Variants in CEP63 observed in about 807,000 individuals in gnomAD.
CEP63 encodes the protein centrosomal protein of 63 kDa.
A neutral mutation model predicts 89.1 loss-of-function variants in CEP63; 84 were observed. That is an observed-to-expected ratio of 0.94 (90% CI 0.79 to 1.13). The LOEUF (loss-of-function observed/expected upper bound fraction) is 1.13. Ranked by LOEUF, CEP63 falls within the 50% of genes most tolerant of loss-of-function variation. The probability of loss-of-function intolerance (pLI) is 0.00; values close to 1 mark genes in which losing one functional copy is unlikely to be tolerated. For missense variants in CEP63, 838 were observed against 813.3 expected (o/e 1.03, Z -0.37); for synonymous variants, 267 against 272.5 (o/e 0.98, Z 0.20).
the CEP63 span, chr3:134,629,727 C>T: frequency 3.6e-6 from 5 of 1,406,768 alleles, no homozygotes; most frequent in Non-Finnish European, 5.0e-6. Flanking sequence ...CATTCTCAAC[C>T]AGATGCTGCC....
chr3:134,650,600 A>C, the CEP63 span, among the ~76,000 whole-genome samples: 1 of 152,216 alleles, frequency 6.6e-6, no homozygotes, highest in Non-Finnish European at 1.5e-5. Flanking sequence ...AGGCCTGCAC[A>C]GGGAGTGAAA....
rs1577453237 is a variant in CEP63 at position 134,561,314 on chromosome 3, A to G, written c.1954-63A>G. Reference sequence around the variant, plus strand: ...TTGCTAGTTAGAAAATGTCATGAACAGTGTATCTTAGAAATATAATATTCT... The same window carrying G: ...TTGCTAGTTAGAAAATGTCATGAACGGTGTATCTTAGAAATATAATATTCT... On this transcript the variant is annotated intron_variant, in intron 14 of 14. Transcript: ENST00000675561. 9.2e-6 allele frequency: 13 copies of G among 1,416,890 alleles called. No homozygotes were observed. In the East Asian group the frequency reaches 2.5e-4, roughly 27 times the overall value. 87.8% of individuals were successfully genotyped at this position (1,416,890 alleles called of 1,614,324 possible).
the CEP63 span, among the ~76,000 whole-genome samples, chr3:134,685,694 A>G: frequency 2.0e-5 from 3 of 152,196 alleles, no homozygotes; most frequent in East Asian, 1.9e-4. Flanking sequence ...TGGAAAATGT[A>G]TGGAGAAACT....
intron 1 of CEP63, among the ~76,000 whole-genome samples, chr3:134,494,174 GGT>G (rs755191492): frequency 6.6e-5 from 10 of 151,508 alleles, no homozygotes; most frequent in Non-Finnish European, 1.3e-4. Context: ...GTAGTGCAAT[GGT>G]GTGATCTCGG....
the CEP63 span, among the ~76,000 whole-genome samples, chr3:134,674,440 T>A: frequency 5.1e-4 from 77 of 152,340 alleles, no homozygotes; most frequent in African/African-American, 1.7e-3. Context: ...GGAACTTTTT[T>A]AATTTGATGA....
At chr3:134,516,385 G>T (rs919546108) in intron 3 of CEP63, among the ~76,000 whole-genome samples, 1 of 152,106 alleles carries the variant, frequency 6.6e-6, no homozygotes, top group Non-Finnish European at 1.5e-5. Context: ...ACATTCCATT[G>T]TCCAGGGATG....
chr3:134,763,837 T>A, the CEP63 span, among the ~76,000 whole-genome samples: 126 of 152,346 alleles, frequency 8.3e-4, no homozygotes, highest in Admixed American at 1.6e-3. Context: ...TCAGGCTCCA[T>A]GTGGCAATTC....
At chr3:134,748,846 C>T in the CEP63 span, among the ~76,000 whole-genome samples, 15,367 of 152,166 alleles carry the variant, frequency 0.1, 1,141 homozygotes, top group South Asian at 0.36. Flanking sequence ...GACACGGATG[C>T]AGGCTAGTCA....
chr3:134,647,201 C>T, the CEP63 span, among the ~76,000 whole-genome samples: 2 of 152,226 alleles, frequency 1.3e-5, no homozygotes, highest in Admixed American at 1.3e-4. Flanking sequence ...AATGGGTGCT[C>T]AAGTTCCTGG....
the CEP63 span, chr3:134,604,141 G>C: frequency 6.2e-7 from 1 of 1,608,394 alleles, no homozygotes; most frequent in East Asian, 2.2e-5. Flanking sequence ...CCCGTCGCTG[G>C]TGTGGATGAT....
At chr3:134,615,483 T>C in the CEP63 span, 1 of 151,856 alleles carries the variant, frequency 6.6e-6, no homozygotes, top group Non-Finnish European at 1.5e-5. Context: ...TATTTTATTT[T>C]TGTTATTATT....
intron 11 of CEP63, among the ~76,000 whole-genome samples, chr3:134,570,765 G>A (rs1419449522): frequency 3.3e-5 from 5 of 152,188 alleles, no homozygotes; most frequent in Non-Finnish European, 7.3e-5. Context: ...GTATTAGTCT[G>A]TTTTCATGCT....
At chr3:134,590,785 A>G (rs557007210), downstream of CEP63, among the ~76,000 whole-genome samples, 1 of 152,320 alleles carries the variant, frequency 6.6e-6, no homozygotes, top group South Asian at 2.1e-4. Flanking sequence ...AAAGTCCTTA[A>G]TGGCACTATA....
At chr3:134,694,629 C>T in the CEP63 span, among the ~76,000 whole-genome samples, 1 of 152,208 alleles carries the variant, frequency 6.6e-6, no homozygotes, top group African/African-American at 2.4e-5. Flanking sequence ...GGCTCACAAG[C>T]CAGATGCCAG....
chr3:134,553,764 C>A (rs1383140808), intron 12 of CEP63, among the ~76,000 whole-genome samples: 1 of 152,154 alleles, frequency 6.6e-6, no homozygotes, highest in Non-Finnish European at 1.5e-5. Flanking sequence ...CGTATAGCCT[C>A]TAAATTCCTG....
At chr3:134,487,532 G>A (rs1256545167) in intron 1 of CEP63, among the ~76,000 whole-genome samples, 2 of 152,196 alleles carry the variant, frequency 1.3e-5, no homozygotes, top group African/African-American at 2.4e-5. Flanking sequence ...GATGGTGACA[G>A]CATCAGTAGT....
chr3:134,608,859 G>A, the CEP63 span: 23 of 1,594,646 alleles, frequency 1.4e-5, no homozygotes, highest in Non-Finnish European at 2.0e-5. Context: ...AGACAAGCTG[G>A]TTAGCAGCCA....
chr3:134,508,584 A>G (rs528945512), intron 3 of CEP63, among the ~76,000 whole-genome samples: 16 of 150,896 alleles, frequency 1.1e-4, no homozygotes, highest in Non-Finnish European at 1.3e-4. Flanking sequence ...GAAACTCATT[A>G]AAGAATTATG....
the CEP63 span, among the ~76,000 whole-genome samples, chr3:134,768,767 G>C: frequency 6.6e-6 from 1 of 152,178 alleles, no homozygotes; most frequent in Non-Finnish European, 1.5e-5. Context: ...CACTGCTGTC[G>C]AGGGCCTTTG....
Sources: gnomAD v4.1 joint callset for allele counts (sites outside exome capture counted in the v4.1 genomes callset) on GRCh38, gnomAD v4.1.1 for gene constraint, MANE v1.5 for transcripts, NCBI Gene and HGNC (gene_info 2026-07-23, HGNC 2026-07-21) for gene names.